Variants in SHD observed in about 807,000 individuals in gnomAD.
SHD encodes the protein SH2 domain-containing adapter protein D.
Under a neutral mutation model 31.2 loss-of-function variants are expected in SHD, and 29 were observed. The observed-to-expected ratio is 0.93, with a 90% CI of 0.69 to 1.27. SHD has a LOEUF of 1.27. Ranked by LOEUF, SHD falls within the 50% of genes most tolerant of loss-of-function variation. The pLI, the probability that SHD is intolerant of heterozygous loss-of-function variation, is 0.00. For synonymous variants in SHD, 208 were observed against 187.8 expected, an observed-to-expected ratio of 1.11 and a Z score of -0.88; for missense variants, 520 against 453.8, an observed-to-expected ratio of 1.15 and a Z score of -1.33.
intron 4 of SHD, among the ~76,000 whole-genome samples, chr19:4,287,209 G>A (rs899706121): frequency 2.6e-5 from 4 of 151,904 alleles, no homozygotes; most frequent in Non-Finnish European, 5.9e-5. Context: ...GCGGGTGCCT[G>A]TAGTCCCAGC....
intron 4 of SHD, among the ~76,000 whole-genome samples, chr19:4,287,156 C>A (rs1282308792): frequency 6.6e-6 from 1 of 151,650 alleles, no homozygotes; most frequent in Non-Finnish European, 1.5e-5. Flanking sequence ...CATGGTGAAA[C>A]CCAGTCTTTA....
rs1448028803 is a variant in SHD at position 4,282,749 on chromosome 19, T to TA, written c.298-114dup. Reference sequence around the variant, plus strand: ...AAAATAAAAATAAATAAATAAATAATAAAAAAATAAAAACTCTTGGAGAGG... The same window carrying TA: ...AAAATAAAAATAAATAAATAAATAATAAAAAAAATAAAAACTCTTGGAGAGG... On this transcript the variant is annotated intron_variant, in intron 1 of 5. Transcript: ENST00000543264. The TA allele has an allele frequency of 3.5e-5, 15 of 432,130 alleles. 1 individual carries two copies. The highest frequency in any genetic ancestry group is 1.1e-4 in the South Asian group (1 of 9,328). The allele number at this position is 432,130 out of a possible 1,614,324, so 26.8% of individuals were successfully genotyped here. A position where few individuals can be genotyped will look rare whatever the true frequency, so the allele number is the denominator to read the frequency against.
rs1420713044 is a variant in SHD, at chr19:4,280,147, C to T, written c.84C>T (p.Ser28=). 5.0e-6 allele frequency: 8 copies of T among 1,613,904 alleles called. No homozygotes were observed. The highest frequency in any genetic ancestry group is 8.5e-7 in the Non-Finnish European group (1 of 1,179,998). The part of the protein sequence containing the change: ...PQPPTPDYTE[S]DILRAYRAQK... ...CGCCCACCCCGGACTACACCGAGAG[C>T]GACATCCTGAGGGCCTACCGCGCGC... is the stretch of plus-strand genomic sequence containing the variant. The change falls in exon 1 of 6, where the codon AGC becomes AGT. Residue 28 remains serine, a synonymous_variant. Transcript: ENST00000543264.
rs200054963 is a variant in SHD, at chr19:4,282,829, C to A, written c.298-41C>A. ...GTGCAGCGTCAATTAGCAGGGAAGC[C>A]CCTCTGAGTCCTTGTCTTCTCCCCT... On this transcript the variant is annotated intron_variant, in intron 1 of 5. Transcript: ENST00000543264. The A allele has an allele frequency of 2.8e-5, 44 of 1,576,620 alleles. No homozygotes were observed. The African/African-American group carries it at 4.7e-4, about 17-fold the overall frequency.
intron 4 of SHD, 59 bp from the exon 5 acceptor site, chr19:4,288,184 G>A: frequency 1.3e-6 from 2 of 1,566,720 alleles, no homozygotes; most frequent in African/African-American, 1.4e-5. Flanking sequence ...GGATTACAGG[G>A]CCCCAGAGTG....
rs1195668833 is a variant in SHD, at chr19:4,280,320, T to C, written c.257T>C (p.Met86Thr). Residue 86 changes from methionine (M) to threonine (T), a missense_variant, in exon 1 of 6, where the codon ATG becomes ACG. By Grantham distance (81) the Met-to-Thr change is moderately conservative. Transcript: ENST00000543264. ...CTCATCAAGGTGGAGGCTGCGGATATGGCCAGAGCCAAGGCCCTTCTGGGC... is the reference window on the plus strand; with the variant it reads ...CTCATCAAGGTGGAGGCTGCGGATACGGCCAGAGCCAAGGCCCTTCTGGGC... Reference protein sequence around the residue: ...HRLIKVEAADMARAKALLGGP... With the variant: ...HRLIKVEAADTARAKALLGGP... 1 of 1,600,004 alleles carries C rather than the reference T, an allele frequency of 6.2e-7. No individual in the cohort carries two copies. The highest frequency in any genetic ancestry group is 1.7e-5 in the Admixed American group (1 of 57,752).
rs750115227 is a variant in SHD at position 4,280,310 on chromosome 19, G to C, written c.247G>C (p.Ala83Pro). The stretch of plus-strand genomic sequence containing the variant: ...CAAGCACCGGCTCATCAAGGTGGAG[G>C]CTGCGGATATGGCCAGAGCCAAGGC... The part of the protein sequence containing the change: ...SPKHRLIKVE[A>P]ADMARAKALL... The change falls in exon 1 of 6, where the codon GCT (alanine) becomes CCT (proline). Residue 83 changes from alanine (A) to proline (P), a missense_variant. By Grantham distance (27) the Ala-to-Pro change is conservative. Coordinates refer to ENST00000543264, the MANE Select transcript of SHD (RefSeq NM_020209.4). 6.2e-7 allele frequency: 1 copy of C among 1,605,398 alleles called. No homozygotes were observed. Among genetic ancestry groups the C allele is most frequent in the Admixed American group, 1.7e-5 (1 of 58,616 alleles).
At chr19:4,286,283 T>A (rs138647742) in intron 4 of SHD, among the ~76,000 whole-genome samples, 1 of 89,290 alleles carries the variant, frequency 1.1e-5, no homozygotes, top group African/African-American at 4.7e-5. Flanking sequence ...TTCTTTCTTT[T>A]TTTCTTTCCT....
intron 5 of SHD, among the ~76,000 whole-genome samples, 181 bp downstream of exon 5, chr19:4,288,543 A>G (rs1971344279): frequency 6.6e-6 from 1 of 152,074 alleles, no homozygotes; most frequent in Non-Finnish European, 1.5e-5. Context: ...GCTGGTTGCA[A>G]TTGAGAATGA....
chr19:4,282,155 C>T (rs113842653), intron 1 of SHD, among the ~76,000 whole-genome samples: 4 of 152,118 alleles, frequency 2.6e-5, no homozygotes, highest in Admixed American at 6.6e-5. Context: ...CACTGTGGCT[C>T]ATGCCTGTAA....
rs1475021256 is a variant in SHD at position 4,284,830 on chromosome 19, G to A, written c.642G>A (p.Glu214=). 1.9e-6 allele frequency: 3 copies of A among 1,613,102 alleles called. No individual in the cohort carries two copies. The highest frequency in any genetic ancestry group is 2.2e-5 in the South Asian group (2 of 90,922). The stretch of plus-strand genomic sequence containing the variant: ...AGAGGACTCCAGGCTCAGCCAAGGA[G>A]CTCCGGAGACCTCCGCCCAGAAGCC... The part of the protein sequence containing the change: ...EWERTPGSAK[E]LRRPPPRSPQ... The change falls in exon 4 of 6, where the codon GAG becomes GAA. Residue 214 remains glutamate, a synonymous_variant. Transcript: ENST00000543264.
chr19:4,282,792 G>A, intron 1 of SHD, 78 bp from the exon 2 acceptor site: 2 of 1,113,080 alleles, frequency 1.8e-6, no homozygotes, highest in Non-Finnish European at 2.6e-6. Flanking sequence ...TGGCCCTGTG[G>A]GCAGGCAAGA....
At position 4,290,583 on chromosome 19, in the gene SHD, G is replaced by C. The variant is rs1324228027; in HGVS notation, c.973G>C (p.Gly325Arg). Reference sequence around the variant, plus strand: ...CAGTTCACGCCCACTGCCGGTGCAGGGTGCCGAGCATCTGGCTCTGCTGTA... The same window carrying C: ...CAGTTCACGCCCACTGCCGGTGCAGCGTGCCGAGCATCTGGCTCTGCTGTA... ...HYSSRPLPVQ[G>R]AEHLALLYPV... Residue 325 changes from glycine (G) to arginine (R), a missense_variant, in exon 6 of 6, where the codon GGT (glycine) becomes CGT (arginine). Coordinates refer to ENST00000543264, the MANE Select transcript of SHD (RefSeq NM_020209.4). 1 of 1,613,538 alleles carries C rather than the reference G, an allele frequency of 6.2e-7. No homozygotes were observed. Among genetic ancestry groups the C allele is most frequent in the Non-Finnish European group, 8.5e-7 (1 of 1,179,894 alleles).
chr19:4,285,868 CTCTTT>C (rs990640495), intron 4 of SHD, among the ~76,000 whole-genome samples: 11 of 139,046 alleles, frequency 7.9e-5, no homozygotes, highest in African/African-American at 3.0e-4. Context: ...CTCTTCTCTT[CTCTTT>C]CTTTTCTTTT....
In SHD at chr19:4,288,365, G is replaced by A. The variant is rs1765408231; in HGVS notation, c.836+3G>A. On this transcript the variant is annotated splice_donor_region_variant and intron_variant, in intron 5 of 5. Transcript: ENST00000543264. ...CAGGACTGCTCCTTGTCTCTCAGGT[G>A]AGAACTCAGCCTCACAGGGACGAAG... 1 of 1,611,930 alleles carries A rather than the reference G, an allele frequency of 6.2e-7. No individual in the cohort carries two copies. The highest frequency in any genetic ancestry group is 1.3e-5 in the African/African-American group (1 of 74,828).
chr19:4,289,559 A>T (rs1971355175), intron 5 of SHD, among the ~76,000 whole-genome samples: 1 of 146,706 alleles, frequency 6.8e-6, no homozygotes, highest in Non-Finnish European at 1.5e-5. Flanking sequence ...TATTATTATT[A>T]TTATTTATTT....
chr19:4,289,527 T>G (rs1341151553), intron 5 of SHD, among the ~76,000 whole-genome samples: 1 of 151,598 alleles, frequency 6.6e-6, no homozygotes, highest in Non-Finnish European at 1.5e-5. Flanking sequence ...ATTGCAGGTG[T>G]GGGTCACTGC....
intron 5 of SHD, among the ~76,000 whole-genome samples, chr19:4,289,235 C>T (rs531680533): frequency 9.6e-4 from 145 of 150,456 alleles, no homozygotes; most frequent in African/African-American, 3.5e-3. Context: ...CTCAGCCTCC[C>T]GAGTAGCTGG....
chr19:4,279,997 A>T lies in SHD; in HGVS notation c.-67A>T. On this transcript the variant is annotated 5_prime_UTR_variant, in exon 1 of 6. It adds an upstream start codon to the 5' untranslated region. Coordinates refer to ENST00000543264, the MANE Select transcript of SHD (RefSeq NM_020209.4). This position sits in a 1 kb window ranked among gnomAD's most constrained non-coding sequence, Gnocchi z 7.5. ...CCACCTCCTCCTCCTCCTTGGGGAAAGGGGCCCGGAGAAGGGCATGTGGGG... is the reference window on the plus strand; with the variant it reads ...CCACCTCCTCCTCCTCCTTGGGGAATGGGGCCCGGAGAAGGGCATGTGGGG... 1 of 1,474,680 alleles carries T rather than the reference A, an allele frequency of 6.8e-7. No individual in the cohort carries two copies. Among genetic ancestry groups the T allele is most frequent in the South Asian group, 1.4e-5 (1 of 71,812 alleles). The allele number at this position is 1,474,680 out of a possible 1,614,324, so 91.3% of individuals were successfully genotyped here. A position where few individuals can be genotyped will look rare whatever the true frequency, so the allele number is the denominator to read the frequency against.
Sources: gnomAD v4.1 joint callset for allele counts (sites outside exome capture counted in the v4.1 genomes callset) on GRCh38, gnomAD v4.1.1 for gene constraint, Gnocchi (gnomAD v3.1) non-coding constraint, MANE v1.5 for transcripts, NCBI Gene and HGNC (gene_info 2026-07-23, HGNC 2026-07-21) for gene names.